ZNF800: variants seen among roughly 807,000 people sequenced by gnomAD.
The protein encoded by ZNF800 is zinc finger protein 800.
In ZNF800, 13 loss-of-function variants were observed where a neutral mutation model predicts 59.5. The ratio of observed to expected loss-of-function variants is 0.22; its 90% CI spans 0.14 to 0.35. The LOEUF (loss-of-function observed/expected upper bound fraction) is 0.35, where lower values mean the gene tolerates loss of function less well. Among genes scored for constraint, ZNF800 ranks in the 10% least tolerant of loss-of-function variants. ZNF800 has a pLI of 1.00. For missense variants in ZNF800, 621 were observed against 783.7 expected (o/e 0.79, Z 2.48); for synonymous variants, 266 against 265.7 (o/e 1.00, Z -0.01).
At chr7:127,384,976 T>C (rs1801095425) in intron 3 of ZNF800, among the ~76,000 whole-genome samples, 1 of 152,190 alleles carries the variant, frequency 6.6e-6, no homozygotes, top group Non-Finnish European at 1.5e-5. Context: ...ATAAAAGCAA[T>C]GCCATGAGTA....
At chr7:127,351,518 T>A (rs1800168086) in intron 1 of ZNF800, 1 of 152,240 alleles carries the variant, frequency 6.6e-6, no homozygotes, top group African/African-American at 2.4e-5. Flanking sequence ...TTGCAACTCT[T>A]AAAAGAATAA....
Position 127,377,141 on chromosome 7 carries a change from T to C in ZNF800, c.301+45A>G. 6.5e-7 allele frequency: 1 copy of C among 1,538,672 alleles called. No individual in the cohort carries two copies. Among genetic ancestry groups the C allele is most frequent in the Non-Finnish European group, 8.8e-7 (1 of 1,134,494 alleles). On this transcript the variant is annotated intron_variant, in intron 4 of 5. Transcript: ENST00000265827. The surrounding 1 kb of genome is among the most constrained non-coding windows in gnomAD (Gnocchi z 4.7). ...CAAATGTATACTTGCAGTATAAGAA[T>C]ACTTAGCTGTAAAATGCATAACTGA...
intron 1 of ZNF800, among the ~76,000 whole-genome samples, chr7:127,354,452 G>C (rs1200428162): frequency 6.6e-6 from 1 of 151,666 alleles, no homozygotes; most frequent in South Asian, 2.1e-4. Context: ...AAAATCCCGG[G>C]CTCTACAATT....
intron 5 of ZNF800, chr7:127,372,656 G>A: frequency 1.0e-6 from 1 of 984,910 alleles, no homozygotes; most frequent in Non-Finnish European, 1.2e-6. Context: ...AATAAGCATT[G>A]TTTCCATAGA....
downstream of ZNF800, among the ~76,000 whole-genome samples, chr7:127,367,795 T>C (rs566399547): frequency 2.0e-5 from 3 of 152,268 alleles, no homozygotes; most frequent in African/African-American, 7.2e-5. Context: ...TACATGAAAA[T>C]GTGCTAGGCA....
intron 3 of ZNF800, among the ~76,000 whole-genome samples, chr7:127,381,700 G>A (rs186544304): frequency 2.1e-3 from 313 of 151,840 alleles, no homozygotes; most frequent in Admixed American, 5.1e-3. Context: ...CTTTGAATAT[G>A]AATGTAAGGA....
At chr7:127,363,038 A>T (rs1800426143) in intron 1 of ZNF800, 2 of 152,172 alleles carry the variant, frequency 1.3e-5, no homozygotes, top group African/African-American at 4.8e-5. Context: ...TATAAAAGAA[A>T]GAAGTTAAGG....
At chr7:127,345,654 ATAAG>A (rs1800048686), downstream of ZNF800, among the ~76,000 whole-genome samples, 1 of 152,150 alleles carries the variant, frequency 6.6e-6, no homozygotes, top group African/African-American at 2.4e-5. Context: ...GGGTGGAAGG[ATAAG>A]TAAGGGTCAG....
chr7:127,346,757 G>A (rs1003962515), downstream of ZNF800: 2 of 152,454 alleles, frequency 1.3e-5, no homozygotes, highest in East Asian at 1.9e-4. Context: ...GAACTCCTGT[G>A]AAGGATAAAC....
intron 1 of ZNF800, chr7:127,361,529 T>G (rs1208699432): frequency 6.6e-6 from 1 of 151,984 alleles, no homozygotes; most frequent in Non-Finnish European, 1.5e-5. Flanking sequence ...TGCAGTCAAC[T>G]AGGATTATAC....
At chr7:127,359,208 C>T (rs750446854) in intron 1 of ZNF800, among the ~76,000 whole-genome samples, 3 of 149,864 alleles carry the variant, frequency 2.0e-5, no homozygotes, top group Non-Finnish European at 4.4e-5. Context: ...ACCATCTACA[C>T]ATCAGCAGCA....
intron 1 of ZNF800, among the ~76,000 whole-genome samples, chr7:127,358,996 T>G (rs1800340174): frequency 6.6e-6 from 1 of 152,152 alleles, no homozygotes; most frequent in Admixed American, 6.5e-5. Context: ...AATAATTTCT[T>G]TCATCTTCTA....
At chr7:127,385,618 G>A (rs4548117) in intron 3 of ZNF800, among the ~76,000 whole-genome samples, 141,800 of 151,796 alleles carry the variant, frequency 0.93, 66,295 homozygotes, top group East Asian at 1. Context: ...TAGGATGAAG[G>A]AGGTGATCAC....
chr7:127,392,008 G>C, intron 1 of ZNF800, 52 bp downstream of exon 1: 1 of 386,018 alleles, frequency 2.6e-6, no homozygotes, highest in Non-Finnish European at 4.6e-6. Context: ...CACGTGCGTT[G>C]GGGTCTCCCT....
rs1338324787 is a variant in ZNF800, at chr7:127,374,686, T to G, written c.650A>C (p.Asp217Ala). ...ATCAGAATTGTCAGAAGTTTCCAAG[T>G]CAGCCTGCGACTCCTGAGGTTGTTC... ...SDEQPQESQA[D>A]LETSDNSDFG... Residue 217 changes from aspartate to alanine, a missense_variant, in exon 5 of 6, where the codon GAC (aspartate) becomes GCC (alanine). Asp to Ala is a moderately radical substitution (Grantham distance 126). Transcript: ENST00000265827. 1 of 1,614,010 alleles carries G rather than the reference T, an allele frequency of 6.2e-7. No individual in the cohort carries two copies. Among genetic ancestry groups the G allele is most frequent in the Middle Eastern group, 1.6e-4 (1 of 6,062 alleles).
chr7:127,390,374 C>T (rs1801271982), intron 2 of ZNF800, among the ~76,000 whole-genome samples: 2 of 152,170 alleles, frequency 1.3e-5, no homozygotes, highest in African/African-American at 4.8e-5. Flanking sequence ...AACTGGATCC[C>T]ATCCAAGGAT....
intron 1 of ZNF800, among the ~76,000 whole-genome samples, chr7:127,358,976 C>T (rs886822810): frequency 6.6e-6 from 1 of 152,196 alleles, no homozygotes; most frequent in Admixed American, 6.5e-5. Context: ...TGTCCCCAAT[C>T]GTATTTTTAA....
intron 4 of ZNF800, among the ~76,000 whole-genome samples, chr7:127,376,737 T>C (rs1291258996): frequency 6.6e-6 from 1 of 152,010 alleles, no homozygotes. Context: ...TGAACAAATT[T>C]ACCTCATTCT....
At chr7:127,389,745 T>C (rs574494809) in intron 2 of ZNF800, among the ~76,000 whole-genome samples, 2 of 152,238 alleles carry the variant, frequency 1.3e-5, no homozygotes, top group Admixed American at 6.5e-5. Flanking sequence ...TTAACCTGCA[T>C]GGAAAAAGTT....
Sources: gnomAD v4.1 joint callset for allele counts (sites outside exome capture counted in the v4.1 genomes callset) on GRCh38, gnomAD v4.1.1 for gene constraint, Gnocchi (gnomAD v3.1) non-coding constraint, MANE v1.5 for transcripts, NCBI Gene and HGNC (gene_info 2026-07-23, HGNC 2026-07-21) for gene names.